PTPRD: variants seen among roughly 807,000 people sequenced by gnomAD.
PTPRD encodes receptor-type tyrosine-protein phosphatase delta.
In PTPRD, 34 loss-of-function variants were observed where a neutral mutation model predicts 214.5. That is an observed-to-expected ratio of 0.16 (90% confidence interval 0.12 to 0.21). PTPRD has a LOEUF of 0.21. Among genes scored for constraint, PTPRD ranks in the 10% least tolerant of loss-of-function variants. PTPRD has a pLI of 1.00. For missense variants in PTPRD, 2,545 were observed against 2,398.7 expected (o/e 1.06, Z -1.27); for synonymous variants, 1,128 against 845.7 (o/e 1.33, Z -5.79).
rs369553171 is a variant in PTPRD, at chr9:8,395,703, CAG to C, written c.4211-6298_4211-6297del. ...ACCCCACAGTGAGCTAATGGAGAAA[CAG>C]ATGATATTCAGAGTATTTGAACCCA... is the stretch of plus-strand genomic sequence containing the variant. On this transcript the variant is annotated intron_variant, in intron 36 of 45. Transcript: ENST00000381196. 7.8e-4 allele frequency among the ~76,000 whole-genome samples: 118 copies of C among 151,982 alleles called. No homozygotes were observed. The South Asian group carries it at 0.021, about 27-fold the overall frequency.
At chr9:9,750,566 C>G (rs1342551893) in intron 6 of PTPRD, among the ~76,000 whole-genome samples, 2 of 152,140 alleles carry the variant, frequency 1.3e-5, no homozygotes, top group African/African-American at 2.4e-5. Flanking sequence ...GTGAGCCCAA[C>G]AGATTCACAT....
chr9:8,692,550 G>C (rs1358526395), intron 12 of PTPRD, among the ~76,000 whole-genome samples: 1 of 152,140 alleles, frequency 6.6e-6, no homozygotes, highest in South Asian at 2.1e-4. Context: ...GAACGTATTA[G>C]TGAACACTAG....
chr9:8,768,822 C>G (rs545928563), intron 11 of PTPRD, among the ~76,000 whole-genome samples: 1 of 152,068 alleles, frequency 6.6e-6, no homozygotes, highest in Non-Finnish European at 1.5e-5. Flanking sequence ...AATGAAGTAA[C>G]CTAGCTCTTC....
intron 5 of PTPRD, among the ~76,000 whole-genome samples, chr9:9,884,855 C>T (rs940120298): frequency 2.6e-5 from 4 of 152,052 alleles, no homozygotes; most frequent in South Asian, 2.1e-4. Flanking sequence ...CATTCTGCCA[C>T]GATTGTAAGT....
chr9:8,764,802 AATAATG>A (rs1164359389), intron 11 of PTPRD, among the ~76,000 whole-genome samples: 1 of 100,588 alleles, frequency 9.9e-6, no homozygotes, highest in African/African-American at 3.2e-5. Context: ...AAATAATAAT[AATAATG>A]ATAATAATAA....
rs562781113 is a variant in PTPRD at position 8,838,449 on chromosome 9, T to C, written c.-103-104503A>G. ...CAAATCATTCATCTGCTTGGAAGTG[T>C]TTCAATTCTAAAATCAACTAACATA... On this transcript the variant is annotated intron_variant, in intron 11 of 45. Coordinates refer to ENST00000381196, the MANE Select transcript of PTPRD (RefSeq NM_002839.4). Among the ~76,000 whole-genome samples the C allele has an allele frequency of 2.6e-5, 4 of 152,254 alleles. No individual in the cohort carries two copies. In the South Asian group the frequency reaches 8.3e-4, roughly 32 times the overall value.
chr9:9,798,275 A>G (rs2099016733), intron 5 of PTPRD, among the ~76,000 whole-genome samples: 1 of 152,218 alleles, frequency 6.6e-6, no homozygotes, highest in Non-Finnish European at 1.5e-5. Flanking sequence ...GGAAAATCAT[A>G]TTTATTTAAT....
chr9:9,937,803 T>A (rs947477908), intron 5 of PTPRD, among the ~76,000 whole-genome samples: 1 of 152,164 alleles, frequency 6.6e-6, no homozygotes, highest in Non-Finnish European at 1.5e-5. Flanking sequence ...ATGAAAATCA[T>A]TTAAAAAAAT....
intron 14 of PTPRD, among the ~76,000 whole-genome samples, chr9:8,614,531 T>G (rs1442661150): frequency 5.9e-5 from 9 of 152,182 alleles, no homozygotes; most frequent in Admixed American, 5.9e-4. Flanking sequence ...GATAATCACT[T>G]AAGTACTCTT....
intron 2 of PTPRD, among the ~76,000 whole-genome samples, chr9:10,462,290 G>C (rs1220904169): frequency 2.0e-5 from 3 of 151,994 alleles, no homozygotes; most frequent in Non-Finnish European, 4.4e-5. Flanking sequence ...ATGAATATTG[G>C]TCATTTCCTT....
chr9:8,688,479 G>T (rs573174075), intron 12 of PTPRD, among the ~76,000 whole-genome samples: 49 of 151,610 alleles, frequency 3.2e-4, no homozygotes, highest in Admixed American at 6.6e-4. Context: ...GGAGGAGAAT[G>T]GCATGAACCC....
At chr9:8,583,304 C>A (rs1320441617) in intron 14 of PTPRD, among the ~76,000 whole-genome samples, 2 of 101,936 alleles carry the variant, frequency 2.0e-5, no homozygotes, top group African/African-American at 9.9e-5. Context: ...GATCTGTGGC[C>A]CAGGGTTGGG....
At chr9:10,602,313 C>G (rs1567161178) in intron 2 of PTPRD, among the ~76,000 whole-genome samples, 1 of 151,802 alleles carries the variant, frequency 6.6e-6, no homozygotes, top group Admixed American at 6.6e-5. Context: ...AGACGTTTCT[C>G]TTGTCCTTTC....
At chr9:8,665,584 C>T (rs988670812) in intron 12 of PTPRD, among the ~76,000 whole-genome samples, 1 of 152,114 alleles carries the variant, frequency 6.6e-6, no homozygotes, top group Non-Finnish European at 1.5e-5. Context: ...TCATTCTACC[C>T]ATCTAATCCA....
intron 2 of PTPRD, among the ~76,000 whole-genome samples, chr9:10,360,660 T>C (rs76152232): frequency 1.3e-5 from 2 of 152,230 alleles, no homozygotes; most frequent in African/African-American, 4.8e-5. Flanking sequence ...TTTAGATTCA[T>C]AAAAATTATT....
intron 2 of PTPRD, among the ~76,000 whole-genome samples, chr9:10,591,829 T>C (rs1375377995): frequency 6.6e-6 from 1 of 152,068 alleles, no homozygotes. Flanking sequence ...TTTCCTACCA[T>C]GTCACAGGCA....
chr9:9,155,011 T>G (rs2099880018), intron 10 of PTPRD, among the ~76,000 whole-genome samples: 1 of 152,144 alleles, frequency 6.6e-6, no homozygotes, highest in East Asian at 1.9e-4. Flanking sequence ...AAGTCTGCTT[T>G]GTTAGATACA....
intron 8 of PTPRD, among the ~76,000 whole-genome samples, chr9:9,448,848 G>A (rs1304877908): frequency 6.6e-6 from 1 of 151,928 alleles, no homozygotes; most frequent in African/African-American, 2.4e-5. Context: ...TAAAAAGCAG[G>A]GTGGCTAATG....
intron 11 of PTPRD, among the ~76,000 whole-genome samples, chr9:8,809,904 T>G (rs2096766065): frequency 6.6e-6 from 1 of 152,158 alleles, no homozygotes; most frequent in South Asian, 2.1e-4. Flanking sequence ...AAAGGGAGCT[T>G]CCATCAACAG....
Sources: allele counts gnomAD v4.1 joint callset (sites outside exome capture counted in the v4.1 genomes callset), GRCh38; gene constraint gnomAD v4.1.1; transcripts MANE v1.5; gene names NCBI Gene and HGNC (gene_info 2026-07-23, HGNC 2026-07-21).